Variants in FAAH2 observed in about 807,000 individuals in gnomAD.
FAAH2 encodes fatty acid amide hydrolase 2.
In FAAH2, 60 loss-of-function variants were observed where a neutral mutation model predicts 36.9. That is an observed-to-expected ratio of 1.63 (90% CI 1.32 to 2.02). The LOEUF (loss-of-function observed/expected upper bound fraction) is 2.02. Among genes scored for constraint, FAAH2 ranks in the 30% most tolerant of loss-of-function variants. FAAH2 has a pLI of 0.00. For missense variants in FAAH2, 689 were observed against 397.5 expected (o/e 1.73, Z -6.23); for synonymous variants, 214 against 143.8 (o/e 1.49, Z -3.49).
chrX:57,415,095 G>T (rs2055806143), intron 7 of FAAH2, among the ~76,000 whole-genome samples: 1 of 108,887 alleles, frequency 9.2e-6, no homozygotes, highest in Non-Finnish European at 1.9e-5. Context: ...CATTTTTATT[G>T]CATCTACTTG....
the FAAH2 span, among the ~76,000 whole-genome samples, chrX:57,261,660 T>C: frequency 9.1e-6 from 1 of 109,949 alleles, no homozygotes; most frequent in African/African-American, 3.3e-5. Flanking sequence ...GATTAATTGT[T>C]GCCAGGGATG....
At chrX:57,187,243 G>A in the FAAH2 span, among the ~76,000 whole-genome samples, 1 of 111,060 alleles carries the variant, frequency 9.0e-6, no homozygotes, top group Non-Finnish European at 1.9e-5. Context: ...TTCTTGAGCA[G>A]TGGAGTGGTT....
chrX:57,459,622 C>T (rs1176793232), intron 10 of FAAH2, among the ~76,000 whole-genome samples: 1 of 112,144 alleles, frequency 8.9e-6, no homozygotes, highest in Non-Finnish European at 1.9e-5. Flanking sequence ...GCCAGTGCCC[C>T]TCTGGGATTA....
intron 3 of FAAH2, among the ~76,000 whole-genome samples, chrX:57,328,477 AG>A (rs1293854346): frequency 9.0e-6 from 1 of 111,328 alleles, no homozygotes. Flanking sequence ...TGTGAATTCT[AG>A]CTTCCTTAGA....
the FAAH2 span, among the ~76,000 whole-genome samples, chrX:57,181,228 G>C: frequency 9.1e-6 from 1 of 110,480 alleles, no homozygotes; most frequent in Admixed American, 9.6e-5. Context: ...TATATTGGAA[G>C]TCCTGGCCAG....
At chrX:57,368,524 C>T (rs994376042) in intron 5 of FAAH2, among the ~76,000 whole-genome samples, 10 of 111,596 alleles carry the variant, frequency 9.0e-5, no homozygotes, top group Non-Finnish European at 1.7e-4. Context: ...ATGCATAAAT[C>T]GTGAACTCCC....
intron 5 of FAAH2, 58 bp downstream of exon 5, chrX:57,341,448 A>T: frequency 5.3e-6 from 6 of 1,135,113 alleles, no homozygotes; most frequent in Non-Finnish European, 7.1e-6. Context: ...GCAATTCAGA[A>T]ATTTTGTTCT....
At chrX:57,214,038 C>T in the FAAH2 span, among the ~76,000 whole-genome samples, 2 of 110,947 alleles carry the variant, frequency 1.8e-5, no homozygotes, top group African/African-American at 6.5e-5. Context: ...TAAATTGATC[C>T]CTTTATTATT....
intron 7 of FAAH2, among the ~76,000 whole-genome samples, chrX:57,415,897 A>G (rs1379465773): frequency 1.8e-5 from 2 of 111,295 alleles, no homozygotes; most frequent in African/African-American, 6.5e-5. Context: ...TGCTTTATGA[A>G]TCTGGGTGCT....
chrX:57,215,277 G>A, the FAAH2 span, among the ~76,000 whole-genome samples: 150 of 110,984 alleles, frequency 1.4e-3, 1 homozygote, highest in African/African-American at 4.6e-3. Flanking sequence ...ACCATCTCAC[G>A]CCAGTCAGAA....
At chrX:57,162,285 C>T in the FAAH2 span, among the ~76,000 whole-genome samples, 1 of 111,575 alleles carries the variant, frequency 9.0e-6, no homozygotes, top group Admixed American at 9.5e-5. Flanking sequence ...TCTCTGGCTG[C>T]CCTTAACATT....
At chrX:57,248,286 AATAG>A in the FAAH2 span, among the ~76,000 whole-genome samples, 1 of 112,137 alleles carries the variant, frequency 8.9e-6, no homozygotes, top group Admixed American at 9.5e-5. Context: ...TTTGTTTTTT[AATAG>A]ATTACATCGT....
chrX:57,133,894 G>A, the FAAH2 span, among the ~76,000 whole-genome samples: 1 of 111,107 alleles, frequency 9.0e-6, no homozygotes, highest in Non-Finnish European at 1.9e-5. Flanking sequence ...GGCCATGTTG[G>A]GTGGAGAGAA....
intron 6 of FAAH2, among the ~76,000 whole-genome samples, chrX:57,379,997 G>A (rs2054798172): frequency 9.1e-6 from 1 of 110,369 alleles, no homozygotes; most frequent in Non-Finnish European, 1.9e-5. Flanking sequence ...GTACCTAACA[G>A]GTGTATATAT....
chrX:57,450,834 A>G, intron 10 of FAAH2, among the ~76,000 whole-genome samples: 1 of 111,625 alleles, frequency 9.0e-6, no homozygotes, highest in Admixed American at 9.5e-5. Context: ...TATTAATAAT[A>G]GTGATAATGA....
chrX:57,257,104 T>A, the FAAH2 span, among the ~76,000 whole-genome samples: 7 of 112,323 alleles, frequency 6.2e-5, no homozygotes, highest in African/African-American at 2.3e-4. Flanking sequence ...GGAGTATAAA[T>A]TAGTTCAATC....
chrX:57,137,401 T>G, the FAAH2 span: 10 of 735,201 alleles, frequency 1.4e-5, no homozygotes, highest in Non-Finnish European at 1.6e-5. Flanking sequence ...CAAAGAGCAC[T>G]GCAGCGGTGT....
chrX:57,353,822 C>T (rs2054092153), intron 5 of FAAH2, among the ~76,000 whole-genome samples: 1 of 110,933 alleles, frequency 9.0e-6, no homozygotes, highest in South Asian at 3.7e-4. Flanking sequence ...AAAAGATATA[C>T]AAATGGCCAA....
intron 5 of FAAH2, among the ~76,000 whole-genome samples, chrX:57,366,596 G>A (rs760528761): frequency 4.4e-4 from 49 of 112,493 alleles, no homozygotes; most frequent in African/African-American, 1.6e-3. Flanking sequence ...GTGCATGCTG[G>A]CAGGGTGATG....
Sources: gnomAD v4.1 joint callset for allele counts (sites outside exome capture counted in the v4.1 genomes callset) on GRCh38, gnomAD v4.1.1 for gene constraint, MANE v1.5 for transcripts, NCBI Gene and HGNC (gene_info 2026-07-23, HGNC 2026-07-21) for gene names.